The following SEMA3C variants were observed in gnomAD, a reference collection of about 807,000 sequenced individuals.
SEMA3C encodes semaphorin 3C, also known as semaphorin-3C.
SEMA3C carries 47 observed loss-of-function variants against 89.4 expected under a neutral mutation model. The observed-to-expected ratio is 0.53, with a 90% confidence interval of 0.42 to 0.67. The LOEUF (loss-of-function observed/expected upper bound fraction) is 0.67. Among genes scored for constraint, SEMA3C ranks in the 30% least tolerant of loss-of-function variants. SEMA3C has a pLI of 0.00. For missense variants in SEMA3C, 839 were observed against 929.1 expected, an observed-to-expected ratio of 0.90 and a Z score of 1.26; for synonymous variants, 310 against 320.2, an observed-to-expected ratio of 0.97 and a Z score of 0.34.
At chr7:80,850,200 A>G (rs1405454111) in intron 2 of SEMA3C, among the ~76,000 whole-genome samples, 2 of 152,200 alleles carry the variant, frequency 1.3e-5, no homozygotes, top group African/African-American at 4.8e-5. Context: ...TACTTTTGGA[A>G]GGAATATAAA....
chr7:80,826,614 G>A (rs1168009574), intron 4 of SEMA3C, among the ~76,000 whole-genome samples: 1 of 152,068 alleles, frequency 6.6e-6, no homozygotes, highest in Non-Finnish European at 1.5e-5. Flanking sequence ...AATAATGGAA[G>A]GAATGAATGA....
chr7:80,776,948 A>T (rs2117084165), intron 12 of SEMA3C, among the ~76,000 whole-genome samples: 1 of 152,262 alleles, frequency 6.6e-6, no homozygotes, highest in East Asian at 1.9e-4. Context: ...ATGCATAGCT[A>T]TATACTAATA....
At chr7:80,840,636 T>C (rs1790243984) in intron 2 of SEMA3C, among the ~76,000 whole-genome samples, 1 of 150,138 alleles carries the variant, frequency 6.7e-6, no homozygotes, top group Non-Finnish European at 1.5e-5. Context: ...GAGTCTAAAG[T>C]GGAGGTACAC....
Position 80,745,083 on chromosome 7 carries a change from G to T in SEMA3C, c.2067C>A (p.His689Gln), listed in dbSNP as rs767908029. 8.1e-6 allele frequency: 13 copies of T among 1,613,924 alleles called. No individual in the cohort carries two copies. The South Asian group carries it at 1.3e-4, about 16-fold the overall frequency. ...WASSVRALPF[H>Q]PKDIMGAFSH... Reference sequence around the variant, plus strand: ...TGAATGCCCCCATGATGTCCTTCGGGTGGAAGGGTAAAGCCCTCACAGAGC... The same window carrying T: ...TGAATGCCCCCATGATGTCCTTCGGTTGGAAGGGTAAAGCCCTCACAGAGC... Residue 689 changes from histidine (H) to glutamine (Q), a missense_variant, in exon 18 of 18, where the codon CAC becomes CAA. His to Gln is a conservative substitution (Grantham distance 24). Coordinates refer to ENST00000265361, the MANE Select transcript of SEMA3C (RefSeq NM_006379.5).
At chr7:80,779,614 C>A (rs1217771388) in intron 12 of SEMA3C, among the ~76,000 whole-genome samples, 2 of 152,108 alleles carry the variant, frequency 1.3e-5, no homozygotes, top group Non-Finnish European at 2.9e-5. Context: ...TTAATGTATC[C>A]TCTACATCAT....
chr7:80,827,751 CATT>C (rs1271201990), intron 3 of SEMA3C, among the ~76,000 whole-genome samples: 5 of 151,992 alleles, frequency 3.3e-5, no homozygotes, highest in South Asian at 2.1e-4. Flanking sequence ...AAAATAAGAT[CATT>C]ATTAACATAA....
At chr7:80,775,854 A>G (rs1213359880) in intron 12 of SEMA3C, among the ~76,000 whole-genome samples, 1 of 152,168 alleles carries the variant, frequency 6.6e-6, no homozygotes, top group Non-Finnish European at 1.5e-5. Context: ...ATAAGGGAAT[A>G]TAAACTGTAA....
intron 2 of SEMA3C, among the ~76,000 whole-genome samples, chr7:80,862,186 T>G (rs1257684379): frequency 6.6e-6 from 1 of 152,050 alleles, no homozygotes; most frequent in Non-Finnish European, 1.5e-5. Flanking sequence ...CCATTTACCT[T>G]GAAAACCCTA....
chr7:80,885,574 G>A (rs566482595), intron 2 of SEMA3C, among the ~76,000 whole-genome samples: 11 of 152,194 alleles, frequency 7.2e-5, no homozygotes, highest in African/African-American at 1.9e-4. Context: ...CTGAGATTGC[G>A]CCACTGCACT....
intron 5 of SEMA3C, among the ~76,000 whole-genome samples, chr7:80,811,148 G>T (rs1789459514): frequency 6.6e-6 from 1 of 152,024 alleles, no homozygotes; most frequent in African/African-American, 2.4e-5. Flanking sequence ...ATCATATAAA[G>T]CATTGTACAA....
chr7:80,758,525 G>A (rs374104383), intron 14 of SEMA3C, 37 bp from the exon 15 acceptor site: 1 of 1,586,768 alleles, frequency 6.3e-7, no homozygotes, highest in Non-Finnish European at 8.7e-7. Context: ...TTCAGATGTG[G>A]AAGTTAAAAG....
chr7:80,891,893 A>T (rs1405026399), intron 2 of SEMA3C, among the ~76,000 whole-genome samples: 2 of 152,154 alleles, frequency 1.3e-5, no homozygotes, highest in East Asian at 3.8e-4. Context: ...TAAAGTAAAA[A>T]GCATTAGCAA....
chr7:80,821,805 T>A (rs957864213), intron 4 of SEMA3C, among the ~76,000 whole-genome samples: 1 of 151,968 alleles, frequency 6.6e-6, no homozygotes, highest in African/African-American at 2.4e-5. Flanking sequence ...CCCAGAGAGG[T>A]TAAATAAAGA....
At chr7:80,919,249 G>A (rs1467220204), upstream of SEMA3C, 6 of 985,112 alleles carry the variant, frequency 6.1e-6, no homozygotes, top group Admixed American at 3.7e-4. Flanking sequence ...CGCGGGGGCG[G>A]ACCGGGCGGG....
intron 12 of SEMA3C, 129 bp from the exon 13 acceptor site, chr7:80,765,372 AG>A (rs929264597): frequency 7.9e-6 from 5 of 631,604 alleles, no homozygotes; most frequent in African/African-American, 7.5e-5. Flanking sequence ...GTATGTATTA[AG>A]CCACTGCCAT....
At chr7:80,759,389 G>C (rs959552532) in intron 14 of SEMA3C, among the ~76,000 whole-genome samples, 7 of 151,984 alleles carry the variant, frequency 4.6e-5, no homozygotes, top group African/African-American at 1.7e-4. Context: ...TAAATCTCTG[G>C]AGACACCATG....
chr7:80,811,432 T>C (rs1223841069), intron 5 of SEMA3C, among the ~76,000 whole-genome samples: 1 of 152,116 alleles, frequency 6.6e-6, no homozygotes, highest in African/African-American at 2.4e-5. Context: ...GAGAAGACTA[T>C]AGATTGGGGG....
intron 2 of SEMA3C, among the ~76,000 whole-genome samples, chr7:80,850,907 A>G (rs183996250): frequency 3.5e-4 from 54 of 152,282 alleles, no homozygotes; most frequent in African/African-American, 1.2e-3. Context: ...TCACACTTCT[A>G]GAGACCAGGA....
At chr7:80,878,874 T>C (rs1352135602) in intron 2 of SEMA3C, among the ~76,000 whole-genome samples, 1 of 151,880 alleles carries the variant, frequency 6.6e-6, no homozygotes, top group East Asian at 1.9e-4. Context: ...AATTCAAAAA[T>C]ATTAGAAAAA....
Sources: allele counts gnomAD v4.1 joint callset (sites outside exome capture counted in the v4.1 genomes callset), GRCh38; gene constraint gnomAD v4.1.1; transcripts MANE v1.5; gene names NCBI Gene and HGNC (gene_info 2026-07-23, HGNC 2026-07-21).